The following CCDC169 variants were observed in gnomAD, a reference collection of about 807,000 sequenced individuals.
CCDC169 encodes the protein coiled-coil domain containing 169.
In CCDC169, 30 loss-of-function variants were observed where a neutral mutation model predicts 36.0. That is an observed-to-expected ratio of 0.83 (90% confidence interval 0.62 to 1.13). The LOEUF (loss-of-function observed/expected upper bound fraction) is 1.13. Ranked by LOEUF, CCDC169 falls within the 50% of genes most tolerant of loss-of-function variation. The pLI is 0.00. For missense variants in CCDC169, 245 were observed against 245.9 expected, an observed-to-expected ratio of 1.00 and a Z score of 0.03; for synonymous variants, 85 against 81.5, an observed-to-expected ratio of 1.04 and a Z score of -0.23.
chr13:36,272,116 T>TAAAATAAAATAAAATAAAATAAAATA (rs371631186), intron 4 of CCDC169, among the ~76,000 whole-genome samples: 9 of 142,582 alleles, frequency 6.3e-5, no homozygotes, highest in African/African-American at 2.1e-4. Flanking sequence ...AATAAATAAA[T>TAAAATAAAATAAAATAAAATAAAATA]AAATAAAATA....
At chr13:36,226,039 A>T (rs1219774043), downstream of CCDC169, 1 of 152,160 alleles carries the variant, frequency 6.6e-6, no homozygotes, top group Non-Finnish European at 1.5e-5. Flanking sequence ...AAGATTTCTT[A>T]AAGAACTTAA....
At chr13:36,275,621 A>T (rs1266007349) in intron 4 of CCDC169, among the ~76,000 whole-genome samples, 1 of 152,258 alleles carries the variant, frequency 6.6e-6, no homozygotes, top group East Asian at 1.9e-4. Context: ...AATTTTAATG[A>T]CTGGTTATCA....
At chr13:36,279,685 C>A (rs573360004) in intron 4 of CCDC169, among the ~76,000 whole-genome samples, 19 of 152,190 alleles carry the variant, frequency 1.2e-4, no homozygotes, top group African/African-American at 4.3e-4. Flanking sequence ...CAAACTATAA[C>A]CTAAAGATCA....
chr13:36,248,974 G>A (rs943918119), intron 6 of CCDC169, among the ~76,000 whole-genome samples: 1 of 152,090 alleles, frequency 6.6e-6, no homozygotes, highest in African/African-American at 2.4e-5. Context: ...ACTTCTTGTA[G>A]TAGACACTAA....
chr13:36,289,724 TAA>T (rs748851880), intron 2 of CCDC169, among the ~76,000 whole-genome samples: 4 of 152,054 alleles, frequency 2.6e-5, no homozygotes, highest in Non-Finnish European at 4.4e-5. Context: ...AACTGAGACC[TAA>T]AAGGCTGAAA....
At chr13:36,296,283 A>G (rs1925849) in intron 1 of CCDC169, among the ~76,000 whole-genome samples, 38,480 of 152,036 alleles carry the variant, frequency 0.25, 5,156 homozygotes, top group East Asian at 0.49. Flanking sequence ...TAGAAGAGAC[A>G]GGGTTTCACC....
At chr13:36,272,899 CAT>C (rs1386853508) in intron 4 of CCDC169, among the ~76,000 whole-genome samples, 4 of 152,166 alleles carry the variant, frequency 2.6e-5, no homozygotes, top group African/African-American at 9.7e-5. Flanking sequence ...CCAACTGTTC[CAT>C]GTGTTCATCT....
chr13:36,294,646 G>A (rs773516143), intron 2 of CCDC169, among the ~76,000 whole-genome samples: 1 of 152,088 alleles, frequency 6.6e-6, no homozygotes, highest in African/African-American at 2.4e-5. Flanking sequence ...ATTCGGCCGG[G>A]AGCATCAGCA....
intron 4 of CCDC169, among the ~76,000 whole-genome samples, chr13:36,259,573 CA>C (rs1382267908): frequency 2.0e-5 from 3 of 152,144 alleles, no homozygotes; most frequent in Non-Finnish European, 4.4e-5. Context: ...ATTGGTTACA[CA>C]CTATGCAAAT....
At chr13:36,289,174 C>G (rs1250693985) in intron 2 of CCDC169, among the ~76,000 whole-genome samples, 1 of 152,078 alleles carries the variant, frequency 6.6e-6, no homozygotes, top group African/African-American at 2.4e-5. Flanking sequence ...GAAACTGTTT[C>G]TTTTAAAAGC....
intron 2 of CCDC169, among the ~76,000 whole-genome samples, chr13:36,287,677 T>C (rs1040080302): frequency 6.6e-6 from 1 of 152,208 alleles, no homozygotes; most frequent in Non-Finnish European, 1.5e-5. Context: ...TTTTAATAAA[T>C]AAAAGTGGTT....
rs528599066 is a variant in CCDC169 at position 36,236,327 on chromosome 13, G to A, written c.546-5035C>T. On this transcript the variant is annotated intron_variant, in intron 7 of 7. Transcript: ENST00000239859. ...TTATAGATCAATGAAACACAACTGG[G>A]AGTCTAAGAGTAAACCCATATGTTA... Among the ~76,000 whole-genome samples, 6 of 152,128 alleles carry A rather than the reference G, an allele frequency of 3.9e-5. No individual in the cohort carries two copies. In the South Asian group the frequency reaches 1.0e-3, roughly 26 times the overall value.
At chr13:36,265,857 C>T (rs9547033) in intron 4 of CCDC169, among the ~76,000 whole-genome samples, 38,733 of 152,040 alleles carry the variant, frequency 0.25, 5,220 homozygotes, top group East Asian at 0.49. Context: ...TCTGTGGGCA[C>T]ATTGAGCCCA....
chr13:36,277,003 T>C (rs1272750409), intron 4 of CCDC169, among the ~76,000 whole-genome samples: 1 of 152,072 alleles, frequency 6.6e-6, no homozygotes, highest in Middle Eastern at 3.2e-3. Context: ...ACATACATAA[T>C]GTATATAAAA....
At chr13:36,233,750 C>A (rs111296403) in intron 7 of CCDC169, among the ~76,000 whole-genome samples, 1 of 152,186 alleles carries the variant, frequency 6.6e-6, no homozygotes, top group African/African-American at 2.4e-5. Flanking sequence ...TTAAGATCGT[C>A]TGGTTTGAGC....
At chr13:36,233,655 T>C (rs1228639657) in intron 7 of CCDC169, among the ~76,000 whole-genome samples, 7 of 152,248 alleles carry the variant, frequency 4.6e-5, no homozygotes, top group Non-Finnish European at 2.9e-5. Flanking sequence ...TGAAAAAGAA[T>C]ATAAATGCAA....
chr13:36,286,990 C>G (rs985527981), intron 2 of CCDC169, among the ~76,000 whole-genome samples: 2 of 152,144 alleles, frequency 1.3e-5, no homozygotes, highest in Non-Finnish European at 2.9e-5. Flanking sequence ...AGAGAAAAAA[C>G]AATTTTCAAC....
At chr13:36,253,410 CT>C (rs947366690) in intron 6 of CCDC169, among the ~76,000 whole-genome samples, 1 of 118,246 alleles carries the variant, frequency 8.5e-6, no homozygotes, top group Non-Finnish European at 1.9e-5. Flanking sequence ...GTGATCTTGG[CT>C]CACTGCAACC....
chr13:36,232,409 C>T (rs1199706260), intron 7 of CCDC169, among the ~76,000 whole-genome samples: 1 of 152,084 alleles, frequency 6.6e-6, no homozygotes, highest in African/African-American at 2.4e-5. Flanking sequence ...TTTGCTGGAA[C>T]AATAAGAAAC....
Sources: allele counts gnomAD v4.1 joint callset (sites outside exome capture counted in the v4.1 genomes callset), GRCh38; gene constraint gnomAD v4.1.1; transcripts MANE v1.5; gene names NCBI Gene and HGNC (gene_info 2026-07-23, HGNC 2026-07-21).